The following ZFP36L2 variants were observed in gnomAD, a reference collection of about 807,000 sequenced individuals.
The protein encoded by ZFP36L2 is ZFP36 like 2 zinc finger CCCH-type.
In ZFP36L2, 16 loss-of-function variants were observed where a neutral mutation model predicts 27.9. The ratio of observed to expected loss-of-function variants is 0.57; its 90% CI spans 0.39 to 0.87. ZFP36L2 has a LOEUF of 0.87. Ranked by LOEUF, ZFP36L2 falls within the 40% of genes least tolerant of loss-of-function variation. ZFP36L2 has a pLI of 0.00. For synonymous variants in ZFP36L2, 600 were observed against 363.8 expected, an observed-to-expected ratio of 1.65 and a Z score of -7.39; for missense variants, 989 against 726.9, an observed-to-expected ratio of 1.36 and a Z score of -4.15.
chr2:43,225,344 A>T lies in ZFP36L2; in HGVS notation c.460T>A (p.Tyr154Asn). The T allele has an allele frequency of 6.2e-7, 1 of 1,613,364 alleles. No homozygotes were observed. Among genetic ancestry groups the T allele is most frequent in the Non-Finnish European group, 8.5e-7 (1 of 1,179,964 alleles). Residue 154 changes from tyrosine to asparagine, a missense_variant, in exon 2 of 2, where the codon TAC becomes AAC. Coordinates refer to ENST00000282388, the MANE Select transcript of ZFP36L2 (RefSeq NM_006887.5). ...AAGGGCCGGCACAGCTCGGTCTTGT[A>T]GCGCGTGGAGTTGATCTGGGAGCCG... is the stretch of plus-strand genomic sequence containing the variant. ...GGGSQINSTR[Y>N]KTELCRPFEE...
chr2:43,225,783 G>A, intron 1 of ZFP36L2, 31 bp from the exon 2 acceptor site: 1 of 1,563,402 alleles, frequency 6.4e-7, no homozygotes, highest in Non-Finnish European at 8.6e-7. Flanking sequence ...GGGAAGGGAT[G>A]AAAAACGGAA....
chr2:43,225,399 CAGG>C lies in ZFP36L2; in HGVS notation c.402_404del (p.Leu135del), dbSNP rs763885253. On this transcript the variant is annotated inframe_deletion, in exon 2 of 2. Transcript: ENST00000282388. ...CCCCCTTCTGCTGCTGCTGCAGGTG[CAGG>C]AGGTGCTGGCTGCGATCGCCGTTCT... 2 of 1,613,380 alleles carry C rather than the reference CAGG, an allele frequency of 1.2e-6. No homozygotes were observed. The highest frequency in any genetic ancestry group is 1.7e-6 in the Non-Finnish European group (2 of 1,179,900).
In ZFP36L2 at chr2:43,222,982, TA is replaced by T. The variant is rs1444342504; in HGVS notation, c.*1336del. ...GTATGTCACAGTAGAACTGGTGGAA[TA>T]AGCAAACACTTTTTTGCTAGTTTAT... is the stretch of plus-strand genomic sequence containing the variant. On this transcript the variant is annotated 3_prime_UTR_variant, in exon 2 of 2. Transcript: ENST00000282388. 4.6e-5 allele frequency: 7 copies of T among 152,288 alleles called. No individual in the cohort carries two copies. The highest frequency in any genetic ancestry group is 1.7e-4 in the African/African-American group (7 of 41,434). The allele number at this position is 152,288 out of a possible 1,614,324, so 9.4% of individuals were successfully genotyped here. A position where few individuals can be genotyped will look rare whatever the true frequency, so the allele number is the denominator to read the frequency against.
chr2:43,224,692 C>A lies in ZFP36L2; in HGVS notation c.1112G>T (p.Ser371Ile). The A allele has an allele frequency of 1.3e-6, 2 of 1,540,740 alleles. No individual in the cohort carries two copies. The highest frequency in any genetic ancestry group is 8.7e-7 in the Non-Finnish European group (1 of 1,149,106). Reference protein sequence around the residue: ...NAFAFGPELSSLITPLAIQTH... With the variant: ...NAFAFGPELSILITPLAIQTH... Reference sequence around the variant, plus strand: ...CTGGATGGCGAGCGGCGTGATGAGGCTGCTGAGCTCCGGACCGAAGGCGAA... The same window carrying A: ...CTGGATGGCGAGCGGCGTGATGAGGATGCTGAGCTCCGGACCGAAGGCGAA... The change falls in exon 2 of 2, where the codon AGC becomes ATC. Residue 371 changes from serine (S) to isoleucine (I), a missense_variant. By Grantham distance (142) the Ser-to-Ile change is moderately radical. Coordinates refer to ENST00000282388, the MANE Select transcript of ZFP36L2 (RefSeq NM_006887.5).
Position 43,224,628 on chromosome 2 carries a change from G to A in ZFP36L2, c.1176C>T (p.Tyr392=), listed in dbSNP as rs765534434. 6 of 1,484,176 alleles carry A rather than the reference G, an allele frequency of 4.0e-6. No individual in the cohort carries two copies. In the African/African-American group the frequency reaches 5.8e-5, roughly 14 times the overall value. The allele number at this position is 1,484,176 out of a possible 1,614,324, so 91.9% of individuals were successfully genotyped here. ...NFAAVAAAAY[Y]RSQQQQQQQG... ...GCTGCTGCTGCTGCTGCTGACTGCG[G>A]TAGTAGGCGGCGGCGGCCACGGCGG... Residue 392 remains tyrosine, a synonymous_variant, in exon 2 of 2, where the codon TAC becomes TAT. Transcript: ENST00000282388.
chr2:43,226,595 C>A lies in ZFP36L2; in HGVS notation c.-280G>T, dbSNP rs1224200360. 2 of 469,806 alleles carry A rather than the reference C, an allele frequency of 4.3e-6. No individual in the cohort carries two copies. The highest frequency in any genetic ancestry group is 2.8e-5 in the South Asian group (1 of 35,740). The allele number at this position is 469,806 out of a possible 1,614,324, so 29.1% of individuals were successfully genotyped here. A position where few individuals can be genotyped will look rare whatever the true frequency, so the allele number is the denominator to read the frequency against. On this transcript the variant is annotated 5_prime_UTR_variant, in exon 1 of 2. Coordinates refer to ENST00000282388, the MANE Select transcript of ZFP36L2 (RefSeq NM_006887.5). ...CGCGGAGCCGACGGCAGCTCGCGGA[C>A]TGCTGGAACTCGGCGGCCTCCGAGC...
rs532881658 is a variant in ZFP36L2 at position 43,226,404 on chromosome 2, A to G, written c.-89T>C. The G allele has an allele frequency of 8.0e-6, 12 of 1,504,792 alleles. No homozygotes were observed. The African/African-American group carries it at 9.8e-5, about 12-fold the overall frequency. 93.2% of individuals were successfully genotyped at this position (1,504,792 alleles called of 1,614,324 possible). A position where few individuals can be genotyped will look rare whatever the true frequency, so the allele number is the denominator to read the frequency against. The stretch of plus-strand genomic sequence containing the variant: ...CGTGGCCGGGCTTGAGCCACGACGA[A>G]TAACGGGCGAGGGGCGGGGAGGGGC... On this transcript the variant is annotated 5_prime_UTR_variant, in exon 1 of 2. Coordinates refer to ENST00000282388, the MANE Select transcript of ZFP36L2 (RefSeq NM_006887.5).
rs1363565346 is a variant in ZFP36L2, at chr2:43,223,196, A to T, written c.*1123T>A. 1 of 152,300 alleles carries T rather than the reference A, an allele frequency of 6.6e-6. No homozygotes were observed. The highest frequency in any genetic ancestry group is 1.5e-5 in the Non-Finnish European group (1 of 68,038). 9.4% of individuals were successfully genotyped at this position (152,300 alleles called of 1,614,324 possible). On this transcript the variant is annotated 3_prime_UTR_variant, in exon 2 of 2. Coordinates refer to ENST00000282388, the MANE Select transcript of ZFP36L2 (RefSeq NM_006887.5). ...GAAATCATGCAATCTTTCAAAATTT[A>T]CGTAAACAAGGAAAGAAATTAATGA... is the stretch of plus-strand genomic sequence containing the variant.
rs1558429284 is a variant in ZFP36L2, at chr2:43,225,745, T to A, written c.59A>T (p.Lys20Ile). ...YDVDFLCKTE[K>I]SLANLNLNNM... ...GTTCAGGTTGAGGTTGGCCAGGGAT[T>A]TCTCTGTCTGCCAAAGGGAGGGGAG... Residue 20 changes from lysine (K) to isoleucine (I), a missense_variant, in exon 2 of 2, where the codon AAA becomes ATA. By Grantham distance (102) the Lys-to-Ile change is moderately radical. Coordinates refer to ENST00000282388, the MANE Select transcript of ZFP36L2 (RefSeq NM_006887.5). 1.3e-6 allele frequency: 2 copies of A among 1,591,100 alleles called. No individual in the cohort carries two copies. The highest frequency in any genetic ancestry group is 1.7e-6 in the Non-Finnish European group (2 of 1,176,876).
Position 43,225,425 on chromosome 2 carries a change from T to C in ZFP36L2, c.379A>G (p.Asn127Asp), listed in dbSNP as rs2103976801. 2 of 1,611,842 alleles carry C rather than the reference T, an allele frequency of 1.2e-6. No individual in the cohort carries two copies. Among genetic ancestry groups the C allele is most frequent in the South Asian group, 1.1e-5 (1 of 90,988 alleles). The part of the protein sequence containing the change: ...NKFRDRSFSE[N>D]GDRSQHLLHL... ...AGGAGGTGCTGGCTGCGATCGCCGT[T>C]CTCGCTAAACGAGCGGTCCCGGAAT... The change falls in exon 2 of 2, where the codon AAC becomes GAC. Residue 127 changes from asparagine (N) to aspartate (D), a missense_variant. Asn to Asp is a conservative substitution (Grantham distance 23). Coordinates refer to ENST00000282388, the MANE Select transcript of ZFP36L2 (RefSeq NM_006887.5).
At position 43,226,561 on chromosome 2, in the gene ZFP36L2, C is replaced by G; in HGVS notation, c.-246G>C. The G allele has an allele frequency of 2.0e-6, 1 of 506,052 alleles. No individual in the cohort carries two copies. The highest frequency in any genetic ancestry group is 3.4e-6 in the Non-Finnish European group (1 of 290,736). 31.3% of individuals were successfully genotyped at this position (506,052 alleles called of 1,614,324 possible). On this transcript the variant is annotated 5_prime_UTR_variant, in exon 1 of 2. Coordinates refer to ENST00000282388, the MANE Select transcript of ZFP36L2 (RefSeq NM_006887.5). ...CCTCCGCGCCCCGGGGTGCCCGGCC[C>G]GCCCCCCCCGCGGAGCCGACGGCAG...
Position 43,225,595 on chromosome 2 carries a change from C to T in ZFP36L2, c.209G>A (p.Ser70Asn), listed in dbSNP as rs1558429097. ...GAACTTGGGCGAGCAGCTGCCGGGG[C>T]TGGGCGCGGGGTGGGCGAGTGCATG... ...NLHALAHPAP[S>N]PGSCSPKFPG... Residue 70 changes from serine to asparagine, a missense_variant, in exon 2 of 2, where the codon AGC (serine) becomes AAC (asparagine). Transcript: ENST00000282388. 1.3e-5 allele frequency: 20 copies of T among 1,558,520 alleles called. No individual in the cohort carries two copies. Among genetic ancestry groups the T allele is most frequent in the African/African-American group, 2.7e-5 (2 of 73,944 alleles).
intron 1 of ZFP36L2, among the ~76,000 whole-genome samples, 187 bp from the exon 2 acceptor site, chr2:43,225,939 G>A (rs1667089889): frequency 6.6e-6 from 1 of 152,116 alleles, no homozygotes; most frequent in African/African-American, 2.4e-5. Flanking sequence ...TGGACGGAGC[G>A]GGAGAGGGGA....
chr2:43,226,458 G>A lies in ZFP36L2; in HGVS notation c.-143C>T, dbSNP rs977351945. 34 of 1,085,760 alleles carry A rather than the reference G, an allele frequency of 3.1e-5. No individual in the cohort carries two copies. The African/African-American group carries it at 3.5e-4, about 11-fold the overall frequency. 67.3% of individuals were successfully genotyped at this position (1,085,760 alleles called of 1,614,324 possible). On this transcript the variant is annotated 5_prime_UTR_variant, in exon 1 of 2. Transcript: ENST00000282388. The stretch of plus-strand genomic sequence containing the variant: ...AAGTTTGCCGGGGGGCGAGAGGAGA[G>A]GGCGAGTGCAGCGGCGCGGGCCGGC...
chr2:43,223,386 T>A lies in ZFP36L2; in HGVS notation c.*933A>T, dbSNP rs189164031. ...TAATTTAACATAATAAAAGAATATA[T>A]ATCTATTGCTTTTCATCATACTTGA... On this transcript the variant is annotated 3_prime_UTR_variant, in exon 2 of 2. Transcript: ENST00000282388. 6.6e-6 allele frequency: 1 copy of A among 152,308 alleles called. No homozygotes were observed. The highest frequency in any genetic ancestry group is 1.9e-4 in the East Asian group (1 of 5,232). 9.4% of individuals were successfully genotyped at this position (152,308 alleles called of 1,614,324 possible).
rs1382768503 is a variant in ZFP36L2 at position 43,224,575 on chromosome 2, G to C, written c.1229C>G (p.Pro410Arg). 7.5e-7 allele frequency: 1 copy of C among 1,335,778 alleles called. No homozygotes were observed. Among genetic ancestry groups the C allele is most frequent in the Admixed American group, 3.9e-5 (1 of 25,914 alleles). 82.7% of individuals were successfully genotyped at this position (1,335,778 alleles called of 1,614,324 possible). A position where few individuals can be genotyped will look rare whatever the true frequency, so the allele number is the denominator to read the frequency against. ...QQGLAPPAQP[P>R]APPSATLPAG... ...GGGGAGGGTCGCGCTGGGCGGCGCC[G>C]GCGGCTGCGCGGGGGGCGCCAGGCC... Residue 410 changes from proline (P) to arginine (R), a missense_variant, in exon 2 of 2, where the codon CCG (proline) becomes CGG (arginine). By Grantham distance (103) the Pro-to-Arg change is moderately radical. Transcript: ENST00000282388.
At chr2:43,225,871 G>C in intron 1 of ZFP36L2, 119 bp from the exon 2 acceptor site, 2 of 1,118,098 alleles carry the variant, frequency 1.8e-6, no homozygotes, top group African/African-American at 1.6e-5. Context: ...ACTCTTGGCG[G>C]ATCCCGACTC....
In ZFP36L2 at chr2:43,224,942, G is replaced by A. The variant is rs374236588; in HGVS notation, c.862C>T (p.Pro288Ser). Residue 288 changes from proline to serine, a missense_variant, in exon 2 of 2, where the codon CCG (proline) becomes TCG (serine). By Grantham distance (74) the Pro-to-Ser change is moderately conservative. Transcript: ENST00000282388. Reference sequence around the variant, plus strand: ...GCCGAAGAGCAGGAGGGCGGCGGCGGCGTGCGCGACGTGGGGCTGTCGAGC... The same window carrying A: ...GCCGAAGAGCAGGAGGGCGGCGGCGACGTGCGCGACGTGGGGCTGTCGAGC... ...LLLDSPTSRT[P>S]PPPSCSSASS... 2.7e-5 allele frequency: 42 copies of A among 1,551,352 alleles called. No individual in the cohort carries two copies. Among genetic ancestry groups the A allele is most frequent in the Admixed American group, 4.1e-5 (2 of 48,686 alleles).
Position 43,224,308 on chromosome 2 carries a change from GC to G in ZFP36L2, c.*10del. ...CCGCCTTCCCTTCCTCCTCACTGGC[GC>G]CCTCTTGCCTCAGTCGTCGGAGATG... On this transcript the variant is annotated 3_prime_UTR_variant, in exon 2 of 2. Transcript: ENST00000282388. 1.3e-6 allele frequency: 2 copies of G among 1,558,622 alleles called. No individual in the cohort carries two copies.
Sources: gnomAD v4.1 joint callset for allele counts (sites outside exome capture counted in the v4.1 genomes callset) on GRCh38, gnomAD v4.1.1 for gene constraint, MANE v1.5 for transcripts, NCBI Gene and HGNC (gene_info 2026-07-23, HGNC 2026-07-21) for gene names.